NBEAL1: variants seen among roughly 807,000 people sequenced by gnomAD.
NBEAL1 encodes the protein neurobeachin like 1, also known as neurobeachin-like protein 1.
In NBEAL1, 273 loss-of-function variants were observed where a neutral mutation model predicts 351.3. The ratio of observed to expected loss-of-function variants is 0.78; its 90% confidence interval spans 0.70 to 0.86. The LOEUF is 0.86. Ranked by LOEUF, NBEAL1 falls within the 40% of genes least tolerant of loss-of-function variation. The pLI is 0.00. For synonymous variants in NBEAL1, 1,050 were observed against 1,086.4 expected (o/e 0.97, Z 0.66); for missense variants, 2,961 against 3,201.3 (o/e 0.92, Z 1.81).
chr2:203,104,194 T>G (rs1001587106), intron 12 of NBEAL1, among the ~76,000 whole-genome samples: 1 of 152,126 alleles, frequency 6.6e-6, no homozygotes, highest in African/African-American at 2.4e-5. Flanking sequence ...CCAAGTATAC[T>G]GTAGGTCTCT....
At chr2:203,133,805 T>C (rs2063132650) in intron 27 of NBEAL1, among the ~76,000 whole-genome samples, 1 of 151,342 alleles carries the variant, frequency 6.6e-6, no homozygotes, top group Non-Finnish European at 1.5e-5. Context: ...AATTTATTTG[T>C]TTAACTGACA....
In NBEAL1 at chr2:203,126,102, G is replaced by A; in HGVS notation, c.2985+9G>A. ...GTGCTTTACTTCAGAAGGTGAGCCA[G>A]TCTAACATTGTGTTGATGTAGCTAA... On this transcript the variant is annotated intron_variant, in intron 21 of 55. Transcript: ENST00000683969. The A allele has an allele frequency of 1.3e-6, 2 of 1,534,588 alleles. No individual in the cohort carries two copies. Among genetic ancestry groups the A allele is most frequent in the Non-Finnish European group, 1.8e-6 (2 of 1,141,166 alleles).
At position 203,169,420 on chromosome 2, in the gene NBEAL1, G is replaced by A. The variant is rs933560718; in HGVS notation, c.5998-327G>A. Among the ~76,000 whole-genome samples the A allele has an allele frequency of 2.8e-5, 4 of 141,882 alleles. No individual in the cohort carries two copies. In the Admixed American group the frequency reaches 2.9e-4, roughly 10 times the overall value. 93.1% of individuals were successfully genotyped at this position (141,882 alleles called of 152,430 possible). ...AAAAAAAAAAAAAAAAACCACTGAAGCCAGGTGTGGTGGCTCATGCATGTA... is the reference window on the plus strand; with the variant it reads ...AAAAAAAAAAAAAAAAACCACTGAAACCAGGTGTGGTGGCTCATGCATGTA... On this transcript the variant is annotated intron_variant, in intron 38 of 55. Transcript: ENST00000683969.
intron 24 of NBEAL1, among the ~76,000 whole-genome samples, chr2:203,128,825 T>G (rs1329604123): frequency 6.6e-6 from 1 of 151,862 alleles, no homozygotes; most frequent in Non-Finnish European, 1.5e-5. Flanking sequence ...CTCCATCTCT[T>G]GACCTCGTGA....
chr2:203,213,200 AAAG>A (rs2065834653), intron 54 of NBEAL1, among the ~76,000 whole-genome samples: 1 of 152,246 alleles, frequency 6.6e-6, no homozygotes, highest in South Asian at 2.1e-4. Flanking sequence ...AAAATTGAAA[AAAG>A]AGTAAGATTC....
chr2:203,203,423 C>T (rs2105818885), intron 51 of NBEAL1, among the ~76,000 whole-genome samples: 1 of 152,242 alleles, frequency 6.6e-6, no homozygotes, highest in South Asian at 2.1e-4. Flanking sequence ...GATCCACCTG[C>T]CTTGGCCTCC....
At chr2:203,036,356 C>T (rs1487202230) in intron 2 of NBEAL1, among the ~76,000 whole-genome samples, 6 of 148,762 alleles carry the variant, frequency 4.0e-5, no homozygotes, top group Non-Finnish European at 6.0e-5. Context: ...CTGATCCTGA[C>T]GAAGCTCCTC....
At chr2:203,054,517 G>A (rs2061375424) in intron 4 of NBEAL1, among the ~76,000 whole-genome samples, 2 of 151,744 alleles carry the variant, frequency 1.3e-5, no homozygotes, top group African/African-American at 2.4e-5. Flanking sequence ...CAGTCCTCCT[G>A]CCTCTGCCTC....
At chr2:203,173,720 TA>T (rs2064395121) in intron 41 of NBEAL1, among the ~76,000 whole-genome samples, 1 of 152,076 alleles carries the variant, frequency 6.6e-6, no homozygotes, top group Non-Finnish European at 1.5e-5. Context: ...AACAGTGTTC[TA>T]AGGAAACACT....
intron 51 of NBEAL1, 106 bp downstream of exon 51, chr2:203,202,887 C>T: frequency 1.5e-6 from 1 of 678,406 alleles, no homozygotes; most frequent in Non-Finnish European, 2.6e-6. Context: ...AGTGACTGAG[C>T]TCCTTTGTAT....
chr2:203,128,524 G>A (rs936730804), intron 24 of NBEAL1, among the ~76,000 whole-genome samples: 19 of 151,674 alleles, frequency 1.3e-4, no homozygotes, highest in Non-Finnish European at 2.5e-4. Flanking sequence ...CAATTCTGAA[G>A]CCTGTTTTCA....
Position 203,110,169 on chromosome 2 carries a change from A to T in NBEAL1, c.1969A>T (p.Met657Leu). Residue 657 changes from methionine (M) to leucine (L), a missense_variant, in exon 15 of 56, where the codon ATG (methionine) becomes TTG (leucine). Coordinates refer to ENST00000683969, the MANE Select transcript of NBEAL1 (RefSeq NM_001378026.1). ...QLYSFFTGSG[M>L]GFEAFITHSG... ...TTTTAGTTTTTTTACAGGAAGTGGC[A>T]TGGGTTTTGAAGCCTTTATTACCCA... 2 of 1,548,792 alleles carry T rather than the reference A, an allele frequency of 1.3e-6. No individual in the cohort carries two copies. The highest frequency in any genetic ancestry group is 2.4e-5 in the South Asian group (2 of 82,816).
chr2:203,183,153 C>A, intron 43 of NBEAL1, 126 bp from the exon 44 acceptor site: 1 of 528,344 alleles, frequency 1.9e-6, no homozygotes, highest in Non-Finnish European at 3.4e-6. Context: ...GGTATGTACT[C>A]CAATAGATAA....
chr2:203,134,880 CA>C (rs1318322961), intron 27 of NBEAL1, among the ~76,000 whole-genome samples: 3 of 151,978 alleles, frequency 2.0e-5, no homozygotes, highest in Non-Finnish European at 4.4e-5. Context: ...ACATACTGAA[CA>C]AAAAAGTTTT....
intron 6 of NBEAL1, among the ~76,000 whole-genome samples, chr2:203,059,777 G>T: frequency 6.6e-6 from 1 of 152,168 alleles, no homozygotes; most frequent in Admixed American, 6.5e-5. Flanking sequence ...CCAGCTACTG[G>T]GGATGCCGAG....
At chr2:203,168,893 C>CAAAAAAAA in intron 38 of NBEAL1, among the ~76,000 whole-genome samples, 1 of 97,264 alleles carries the variant, frequency 1.0e-5, no homozygotes. Context: ...GACTCCATCT[C>CAAAAAAAA]AAAAAAAAAA....
intron 44 of NBEAL1, among the ~76,000 whole-genome samples, chr2:203,188,232 A>T (rs550492655): frequency 1.3e-5 from 2 of 152,168 alleles, no homozygotes; most frequent in East Asian, 3.9e-4. Context: ...TTATTCACCT[A>T]TTAGGAAATG....
chr2:203,037,307 A>G (rs1669520550), intron 2 of NBEAL1, among the ~76,000 whole-genome samples: 1 of 149,174 alleles, frequency 6.7e-6, no homozygotes, highest in Non-Finnish European at 1.5e-5. Context: ...TAATGACTAC[A>G]TAACTGAGAC....
At chr2:203,189,363 T>A (rs2065001100) in intron 45 of NBEAL1, among the ~76,000 whole-genome samples, 1 of 152,200 alleles carries the variant, frequency 6.6e-6, no homozygotes, top group Non-Finnish European at 1.5e-5. Context: ...ATAATTTGTA[T>A]TTTTGCAAAA....
Sources: allele counts gnomAD v4.1 joint callset (sites outside exome capture counted in the v4.1 genomes callset), GRCh38; gene constraint gnomAD v4.1.1; transcripts MANE v1.5; gene names NCBI Gene and HGNC (gene_info 2026-07-23, HGNC 2026-07-21).